The following CCDC7 variants were observed in gnomAD, a reference collection of about 807,000 sequenced individuals.
CCDC7 encodes the protein coiled-coil domain-containing protein 7.
Under a neutral mutation model 196.9 loss-of-function variants are expected in CCDC7, and 183 were observed. That is an observed-to-expected ratio of 0.93 (90% CI 0.82 to 1.05). CCDC7 has a LOEUF of 1.05. Ranked by LOEUF, CCDC7 falls within the 50% of genes least tolerant of loss-of-function variation. The pLI is 0.00. For missense variants in CCDC7, 1,540 were observed against 1,482.2 expected (o/e 1.04, Z -0.64); for synonymous variants, 525 against 484.6 (o/e 1.08, Z -1.10).
At chr10:32,552,229 T>C (rs1039428446) in intron 13 of CCDC7, among the ~76,000 whole-genome samples, 1 of 151,748 alleles carries the variant, frequency 6.6e-6, no homozygotes, top group Admixed American at 6.6e-5. Context: ...CCTGCTTGCT[T>C]TTGGTGTCCA....
chr10:32,560,001 A>G (rs1180150652), intron 13 of CCDC7, among the ~76,000 whole-genome samples: 1 of 152,240 alleles, frequency 6.6e-6, no homozygotes, highest in African/African-American at 2.4e-5. Flanking sequence ...CTGAAAACCA[A>G]GGCTCGAGAA....
At chr10:32,476,430 A>G (rs1002327849) in intron 8 of CCDC7, among the ~76,000 whole-genome samples, 11 of 152,188 alleles carry the variant, frequency 7.2e-5, no homozygotes, top group Admixed American at 3.3e-4. Context: ...TAATCAATTT[A>G]TGGATTTACT....
At chr10:32,564,429 A>G (rs2136819953) in intron 13 of CCDC7, among the ~76,000 whole-genome samples, 1 of 152,388 alleles carries the variant, frequency 6.6e-6, no homozygotes, top group Admixed American at 6.5e-5. Flanking sequence ...AGACTGGATT[A>G]AGAAAATGTT....
intron 2 of CCDC7, among the ~76,000 whole-genome samples, chr10:32,455,294 TTTATTTATTTA>T (rs1389966142): frequency 1.7e-5 from 2 of 118,776 alleles, no homozygotes; most frequent in East Asian, 2.8e-4. Flanking sequence ...TATTTATTTA[TTTATTTATTTA>T]TTTATTTTAT....
chr10:32,845,347 C>T (rs2093221262), intron 34 of CCDC7, 21 bp downstream of exon 35: 3 of 1,495,708 alleles, frequency 2.0e-6, no homozygotes, highest in Non-Finnish European at 9.1e-7. Flanking sequence ...GAATTTTTCA[C>T]ATCTAATATT....
At chr10:32,481,718 TG>T (rs2039994999) in intron 8 of CCDC7, 1 of 152,232 alleles carries the variant, frequency 6.6e-6, no homozygotes, top group South Asian at 2.1e-4. Flanking sequence ...CTGATGATGA[TG>T]AACTCCCTGA....
intron 13 of CCDC7, among the ~76,000 whole-genome samples, chr10:32,553,313 C>G (rs766713473): frequency 1.3e-5 from 2 of 151,876 alleles, no homozygotes; most frequent in Non-Finnish European, 2.9e-5. Context: ...TTGAGTATTT[C>G]TCCCTTCACT....
At chr10:32,561,317 A>C (rs1171490254) in intron 13 of CCDC7, among the ~76,000 whole-genome samples, 3 of 152,130 alleles carry the variant, frequency 2.0e-5, no homozygotes, top group Admixed American at 6.5e-5. Flanking sequence ...ACATCTACAG[A>C]ACTCTCCACC....
intron 41 of CCDC7, among the ~76,000 whole-genome samples, chr10:32,863,572 T>C: frequency 6.6e-6 from 1 of 151,942 alleles, no homozygotes; most frequent in Middle Eastern, 3.2e-3. Flanking sequence ...AGGCTGGTCT[T>C]GAACTCCCAC....
intron 5 of CCDC7, among the ~76,000 whole-genome samples, chr10:32,464,421 G>GT (rs2036329992): frequency 6.6e-6 from 1 of 152,028 alleles, no homozygotes; most frequent in Non-Finnish European, 1.5e-5. Context: ...CAGATATATT[G>GT]TTCTTTCTTA....
chr10:32,836,161 A>G (rs1024442504), intron 33 of CCDC7, among the ~76,000 whole-genome samples: 6 of 152,098 alleles, frequency 3.9e-5, no homozygotes, highest in Non-Finnish European at 8.8e-5. Context: ...AGGGAGCTTA[A>G]CAGAGAAATA....
Position 32,685,983 on chromosome 10 carries a change from A to G in CCDC7, c.2136A>G (p.Val712=), listed in dbSNP as rs779921625. 6.4e-6 allele frequency: 10 copies of G among 1,567,204 alleles called. No individual in the cohort carries two copies. In the African/African-American group the frequency reaches 8.2e-5, roughly 13 times the overall value. Residue 712 remains valine (V), a synonymous_variant, in exon 22 of 42, where the codon GTA becomes GTG. Transcript: ENST00000639629. ...TTCTTTATGTAGCTCATAATGAAGT[A>G]CCAAATGAAAGGCTTGTAGTTGAGC...
intron 24 of CCDC7, among the ~76,000 whole-genome samples, chr10:32,699,572 A>AAT (rs2078302093): frequency 6.7e-6 from 1 of 149,108 alleles, no homozygotes; most frequent in Admixed American, 6.6e-5. Flanking sequence ...TATACCCAGT[A>AAT]ATGGGAGTGC....
intron 38 of CCDC7, 75 bp from the exon 40 acceptor site, chr10:32,848,521 A>G: frequency 9.1e-7 from 1 of 1,101,830 alleles, no homozygotes; most frequent in Non-Finnish European, 1.3e-6. Flanking sequence ...AATAAAGACA[A>G]ATACGTGGAG....
intron 18 of CCDC7, among the ~76,000 whole-genome samples, chr10:32,619,702 C>T (rs886544607): frequency 6.6e-6 from 1 of 152,052 alleles, no homozygotes; most frequent in African/African-American, 2.4e-5. Flanking sequence ...CAATCTTCTT[C>T]CTGCTTCAGC....
chr10:32,679,088 G>C (rs961160703), intron 21 of CCDC7, among the ~76,000 whole-genome samples: 2 of 152,036 alleles, frequency 1.3e-5, no homozygotes, highest in Non-Finnish European at 2.9e-5. Flanking sequence ...TTGACCTAAA[G>C]CATGTATACT....
chr10:32,846,434 C>A (rs2136188088), exon 37 of CCDC7: 4 of 1,599,442 alleles, frequency 2.5e-6, no homozygotes, highest in South Asian at 2.2e-5. Flanking sequence ...AGGGACCAAT[C>A]AGTGCACAAT....
chr10:32,721,827 A>G (rs1361660822), intron 25 of CCDC7, among the ~76,000 whole-genome samples: 1 of 152,104 alleles, frequency 6.6e-6, no homozygotes. Context: ...TGTCTTCAAT[A>G]TAGTAGAAGG....
chr10:32,719,287 T>C (rs2082060315), intron 25 of CCDC7, among the ~76,000 whole-genome samples: 1 of 152,178 alleles, frequency 6.6e-6, no homozygotes, highest in African/African-American at 2.4e-5. Context: ...GGATTCCCTA[T>C]TTAATAAATG....
Sources: allele counts gnomAD v4.1 joint callset (sites outside exome capture counted in the v4.1 genomes callset), GRCh38; gene constraint gnomAD v4.1.1; transcripts MANE v1.5; gene names NCBI Gene and HGNC (gene_info 2026-07-23, HGNC 2026-07-21).